NAPEPLD: variants seen among roughly 807,000 people sequenced by gnomAD.
The protein encoded by NAPEPLD is N-acyl phosphatidylethanolamine phospholipase D, also known as N-acyl-phosphatidylethanolamine-hydrolyzing phospholipase D.
In NAPEPLD, 23 loss-of-function variants were observed where a neutral mutation model predicts 38.1. The ratio of observed to expected loss-of-function variants is 0.60; its 90% CI spans 0.43 to 0.86. NAPEPLD has a LOEUF of 0.86. Ranked by LOEUF, NAPEPLD falls within the 40% of genes least tolerant of loss-of-function variation. The probability of loss-of-function intolerance (pLI) is 0.00; values close to 1 mark genes in which losing one functional copy is unlikely to be tolerated. For synonymous variants in NAPEPLD, 147 were observed against 162.0 expected, an observed-to-expected ratio of 0.91 and a Z score of 0.71; for missense variants, 411 against 476.8, an observed-to-expected ratio of 0.86 and a Z score of 1.28.
intron 4 of NAPEPLD, among the ~76,000 whole-genome samples, chr7:103,112,998 C>G (rs1348656426): frequency 6.6e-6 from 1 of 152,086 alleles, no homozygotes; most frequent in Non-Finnish European, 1.5e-5. Context: ...ATTTTTTAAT[C>G]CTCTCTCATC....
At chr7:103,131,785 G>A (rs1243644132) in intron 1 of NAPEPLD, among the ~76,000 whole-genome samples, 1 of 152,172 alleles carries the variant, frequency 6.6e-6, no homozygotes, top group Admixed American at 6.5e-5. Flanking sequence ...AGGCTACACT[G>A]CAAGCAATGG....
rs191063247 is a variant in NAPEPLD at position 103,128,586 on chromosome 7, C to T, written c.191G>A (p.Arg64Lys). ...CCATGTTGGCCACGGATTCACAAAT[C>T]TCCCATCTTTTCCTTTCTTGGATTT... ...VTKSKKGKDG[R>K]FVNPWPTWKN... The change falls in exon 2 of 5, where the codon AGA (arginine) becomes AAA (lysine). Residue 64 changes from arginine (R) to lysine (K), a missense_variant. By Grantham distance (26) the Arg-to-Lys change is conservative (BLOSUM62 2). Coordinates refer to ENST00000465647, the MANE Select transcript of NAPEPLD (RefSeq NM_001122838.3). 3.1e-6 allele frequency: 5 copies of T among 1,614,206 alleles called. No homozygotes were observed. The African/African-American group carries it at 6.7e-5, about 22-fold the overall frequency.
intron 1 of NAPEPLD, chr7:103,141,484 CT>C (rs71110820): frequency 0.55 from 754,544 of 1,380,484 alleles, 219,866 homozygotes; most frequent in Non-Finnish European, 0.6. Flanking sequence ...CCAGGAGCTT[CT>C]TGCGGGCCTT....
intron 4 of NAPEPLD, among the ~76,000 whole-genome samples, chr7:103,113,412 G>A (rs1804920359): frequency 6.6e-6 from 1 of 152,116 alleles, no homozygotes; most frequent in Non-Finnish European, 1.5e-5. Flanking sequence ...GGCAGGCAGT[G>A]TATTAGGTAA....
At chr7:103,143,971 C>T (rs1021609759) in intron 1 of NAPEPLD, among the ~76,000 whole-genome samples, 2 of 152,210 alleles carry the variant, frequency 1.3e-5, no homozygotes, top group Admixed American at 6.5e-5. Context: ...ACAGGAGCCA[C>T]GGCACCTGGT....
chr7:103,107,775 G>A (rs924090025), intron 4 of NAPEPLD, among the ~76,000 whole-genome samples: 2 of 148,512 alleles, frequency 1.3e-5, no homozygotes, highest in African/African-American at 5.0e-5. Flanking sequence ...CTACACGATT[G>A]GTGTACCTGA....
rs977188898 is a variant in NAPEPLD, at chr7:103,100,395, C to A, written c.*3034G>T. Reference sequence around the variant, plus strand: ...TCTCATTAGTTTGAATAATCACACTCCCTAGAGATCAGAGCATTGAGTCTG... The same window carrying A: ...TCTCATTAGTTTGAATAATCACACTACCTAGAGATCAGAGCATTGAGTCTG... On this transcript the variant is annotated 3_prime_UTR_variant, in exon 5 of 5. Coordinates refer to ENST00000465647, the MANE Select transcript of NAPEPLD (RefSeq NM_001122838.3). 2 of 152,186 alleles carry A rather than the reference C, an allele frequency of 1.3e-5. No homozygotes were observed. 9.4% of individuals were successfully genotyped at this position (152,186 alleles called of 1,614,324 possible).
chr7:103,149,072 T>C lies in NAPEPLD; in HGVS notation c.-278A>G, dbSNP rs1199684235. On this transcript the variant is annotated 5_prime_UTR_variant, in exon 1 of 5. Transcript: ENST00000465647. Reference sequence around the variant, plus strand: ...CAGCCCGCTCCACTTCGCCGAAGAATTCCAAACCACCCCAGGCTCAGCAGT... The same window carrying C: ...CAGCCCGCTCCACTTCGCCGAAGAACTCCAAACCACCCCAGGCTCAGCAGT... 9 of 985,108 alleles carry C rather than the reference T, an allele frequency of 9.1e-6. No individual in the cohort carries two copies. The highest frequency in any genetic ancestry group is 9.6e-6 in the Non-Finnish European group (8 of 829,958). The allele number at this position is 985,108 out of a possible 1,614,324, so 61.0% of individuals were successfully genotyped here. A position where few individuals can be genotyped will look rare whatever the true frequency, so the allele number is the denominator to read the frequency against.
intron 1 of NAPEPLD, among the ~76,000 whole-genome samples, chr7:103,137,815 CAAAAA>C (rs79429621): frequency 9.3e-6 from 1 of 107,504 alleles, no homozygotes. Context: ...GATGCTGTCT[CAAAAA>C]AAAAAAAAAA....
intron 2 of NAPEPLD, among the ~76,000 whole-genome samples, chr7:103,126,262 T>C (rs1395833530): frequency 6.6e-6 from 1 of 152,218 alleles, no homozygotes; most frequent in Non-Finnish European, 1.5e-5. Flanking sequence ...TTTTGAGTTC[T>C]TTGCTTCTTT....
chr7:103,139,638 G>A (rs554242991), intron 1 of NAPEPLD, among the ~76,000 whole-genome samples: 11 of 152,294 alleles, frequency 7.2e-5, no homozygotes, highest in African/African-American at 2.2e-4. Context: ...TCACTAGAGA[G>A]GTTACTTGAA....
chr7:103,146,999 T>C (rs1201657684), intron 1 of NAPEPLD, among the ~76,000 whole-genome samples: 1 of 152,168 alleles, frequency 6.6e-6, no homozygotes, highest in Non-Finnish European at 1.5e-5. Flanking sequence ...AATACATTAT[T>C]TAACCAGCTG....
chr7:103,122,724 A>C (rs6973702), intron 2 of NAPEPLD, among the ~76,000 whole-genome samples: 138,525 of 152,156 alleles, frequency 0.91, 64,438 homozygotes, highest in East Asian at 1. Flanking sequence ...CCCTGACAAC[A>C]AACCAGGCAC....
In NAPEPLD at chr7:103,138,060, C is replaced by T. The variant is rs529467903; in HGVS notation, c.-16-9268G>A. On this transcript the variant is annotated intron_variant, in intron 1 of 4. Coordinates refer to ENST00000465647, the MANE Select transcript of NAPEPLD (RefSeq NM_001122838.3). ...TGGTGCAATCTCGGCTCACTGCAAC[C>T]TCCATCTCCCAGGTTCAACCGATTC... Among the ~76,000 whole-genome samples, 18 of 151,672 alleles carry T rather than the reference C, an allele frequency of 1.2e-4. No homozygotes were observed. In the East Asian group the frequency reaches 3.5e-3, roughly 29 times the overall value.
chr7:103,149,480 A>G (rs777233668), upstream of NAPEPLD: 5 of 1,263,630 alleles, frequency 4.0e-6, no homozygotes, highest in South Asian at 6.3e-5. Flanking sequence ...CCGCCTCGCC[A>G]TCGTTGGGGC....
chr7:103,110,241 C>T (rs1463436463), intron 4 of NAPEPLD, among the ~76,000 whole-genome samples: 1 of 152,102 alleles, frequency 6.6e-6, no homozygotes, highest in Non-Finnish European at 1.5e-5. Context: ...CATCCTGATA[C>T]CAAAACCTGG....
At chr7:103,105,737 A>C (rs1343758892) in intron 4 of NAPEPLD, among the ~76,000 whole-genome samples, 6 of 152,288 alleles carry the variant, frequency 3.9e-5, no homozygotes, top group Non-Finnish European at 8.8e-5. Context: ...GTTTGAGACC[A>C]GCCTGGCCAA....
rs1468309905 is a variant in NAPEPLD, at chr7:103,103,361, A to G, written c.*68T>C. On this transcript the variant is annotated 3_prime_UTR_variant, in exon 5 of 5. Transcript: ENST00000465647. ...ATAATCACAATATTCATGAATTTCT[A>G]AGTCTTTTCATTTGTTTTTAAACTT... 3 of 1,449,622 alleles carry G rather than the reference A, an allele frequency of 2.1e-6. No individual in the cohort carries two copies. The African/African-American group carries it at 4.3e-5, about 21-fold the overall frequency. 89.8% of individuals were successfully genotyped at this position (1,449,622 alleles called of 1,614,324 possible).
chr7:103,115,310 C>T (rs997404450), intron 3 of NAPEPLD, 136 bp from the exon 4 acceptor site: 2 of 615,026 alleles, frequency 3.3e-6, no homozygotes, highest in Admixed American at 3.3e-5. Flanking sequence ...TGGGATAAAA[C>T]ATGCAGTTTT....
Sources: gnomAD v4.1 joint callset for allele counts (sites outside exome capture counted in the v4.1 genomes callset) on GRCh38, gnomAD v4.1.1 for gene constraint, MANE v1.5 for transcripts, NCBI Gene and HGNC (gene_info 2026-07-23, HGNC 2026-07-21) for gene names.